LRRC19: variants seen among roughly 807,000 people sequenced by gnomAD.
LRRC19 encodes leucine-rich repeat-containing protein 19.
LRRC19 carries 33 observed loss-of-function variants against 33.3 expected under a neutral mutation model. The ratio of observed to expected loss-of-function variants is 0.99; its 90% CI spans 0.75 to 1.33. The LOEUF (loss-of-function observed/expected upper bound fraction) is 1.33, where lower values mean the gene tolerates loss of function less well. LRRC19 is among the 40% of genes most tolerant of loss of function. The pLI, the probability that LRRC19 is intolerant of heterozygous loss-of-function variation, is 0.00. For synonymous variants in LRRC19, 184 were observed against 152.3 expected (o/e 1.21, Z -1.53); for missense variants, 463 against 417.3 (o/e 1.11, Z -0.95).
Position 26,993,863 on chromosome 9 carries a change from A to G in LRRC19, c.*1658T>C, listed in dbSNP as rs1406231842. On this transcript the variant is annotated 3_prime_UTR_variant, in exon 5 of 5. Coordinates refer to ENST00000380055, the MANE Select transcript of LRRC19 (RefSeq NM_022901.3). ...AAATACCAGAAATATTATTTCACCC[A>G]TCAATATATTTCATTATTTCAGAGA... 1.3e-5 allele frequency: 2 copies of G among 152,192 alleles called. No individual in the cohort carries two copies. The highest frequency in any genetic ancestry group is 2.9e-5 in the Non-Finnish European group (2 of 68,034). 9.4% of individuals were successfully genotyped at this position (152,192 alleles called of 1,614,324 possible).
chr9:26,996,284 T>C (rs1828150807), intron 4 of LRRC19, 27 bp downstream of exon 4: 2 of 1,302,136 alleles, frequency 1.5e-6, no homozygotes, highest in African/African-American at 3.0e-5. Flanking sequence ...CATTCAGCAG[T>C]GTTAATATAT....
intron 4 of LRRC19, 112 bp from the exon 5 acceptor site, chr9:26,995,961 A>G (rs1828134086): frequency 3.8e-6 from 3 of 786,844 alleles, no homozygotes; most frequent in East Asian, 2.8e-5. Context: ...ATAAACATAC[A>G]TTGTAGTTTT....
chr9:26,995,942 G>A (rs1828133002), intron 4 of LRRC19, 93 bp from the exon 5 acceptor site: 2 of 864,764 alleles, frequency 2.3e-6, no homozygotes, highest in Admixed American at 3.1e-5. Flanking sequence ...CTCAATATTG[G>A]TATTAAAAAT....
intron 3 of LRRC19, among the ~76,000 whole-genome samples, chr9:26,997,374 C>G (rs2131572764): frequency 7.2e-6 from 1 of 138,148 alleles, no homozygotes; most frequent in Non-Finnish European, 1.5e-5. Flanking sequence ...CACTCTGTTG[C>G]CCAGGCTGGA....
At chr9:26,999,814 G>C in intron 1 of LRRC19, 111 bp from the exon 2 acceptor site, 2 of 585,450 alleles carry the variant, frequency 3.4e-6, no homozygotes, top group Non-Finnish European at 5.2e-6. Context: ...GTCTCACTCT[G>C]TCACACAGAC....
Position 26,997,984 on chromosome 9 carries a change from T to C in LRRC19, c.339A>G (p.Gln113=). Residue 113 remains glutamine, a synonymous_variant, in exon 3 of 5, where the codon CAA becomes CAG. Coordinates refer to ENST00000380055, the MANE Select transcript of LRRC19 (RefSeq NM_022901.3). ...NICRNSIYVI[Q]QGAFLGLNKL... ...TATTTAAGCCTAAAAATGCACCCTG[T>C]TGAATTACATAGATGGAGTTTCTAC... The C allele has an allele frequency of 6.2e-7, 1 of 1,613,976 alleles. No individual in the cohort carries two copies. The highest frequency in any genetic ancestry group is 1.3e-5 in the African/African-American group (1 of 75,030).
In LRRC19 at chr9:26,996,436, A is replaced by G. The variant is rs1328436984; in HGVS notation, c.659T>C (p.Val220Ala). The part of the protein sequence containing the change: ...NSLQSYNIKT[V>A]PHKAECHSKF... ...TGAGTGGCATTCAGCCTTATGAGGTACTGTTTTGATATTGTAGCTCTGCAG... is the reference window on the plus strand; with the variant it reads ...TGAGTGGCATTCAGCCTTATGAGGTGCTGTTTTGATATTGTAGCTCTGCAG... Residue 220 changes from valine to alanine, a missense_variant, in exon 4 of 5, where the codon GTA becomes GCA. Transcript: ENST00000380055. 6.3e-7 allele frequency: 1 copy of G among 1,598,306 alleles called. No homozygotes were observed. Among genetic ancestry groups the G allele is most frequent in the East Asian group, 2.2e-5 (1 of 44,512 alleles).
chr9:27,003,569 G>A (rs1828618103), intron 1 of LRRC19, among the ~76,000 whole-genome samples: 2 of 152,128 alleles, frequency 1.3e-5, no homozygotes, highest in East Asian at 3.9e-4. Flanking sequence ...AATCCATGCA[G>A]CATACTAAAG....
At chr9:26,996,873 C>CT (rs763947702) in intron 3 of LRRC19, among the ~76,000 whole-genome samples, 27 of 152,112 alleles carry the variant, frequency 1.8e-4, no homozygotes, top group Non-Finnish European at 3.4e-4. Context: ...ATTGACTTTG[C>CT]TAACAATACA....
Position 26,995,323 on chromosome 9 carries a change from C to G in LRRC19, c.*198G>C. 2.1e-6 allele frequency: 1 copy of G among 487,008 alleles called. No homozygotes were observed. Among genetic ancestry groups the G allele is most frequent in the Non-Finnish European group, 3.7e-6 (1 of 269,536 alleles). The allele number at this position is 487,008 out of a possible 1,614,324, so 30.2% of individuals were successfully genotyped here. On this transcript the variant is annotated 3_prime_UTR_variant, in exon 5 of 5. Transcript: ENST00000380055. Reference sequence around the variant, plus strand: ...GTATTGTAGACTATGTAACTGTCAACTACCGAGGAGTGTCAGTTACTGTAT... The same window carrying G: ...GTATTGTAGACTATGTAACTGTCAAGTACCGAGGAGTGTCAGTTACTGTAT...
rs1192428852 is a variant in LRRC19, at chr9:26,996,475, C to G, written c.620G>C (p.Ser207Thr). 1 of 1,506,018 alleles carries G rather than the reference C, an allele frequency of 6.6e-7. No homozygotes were observed. Among genetic ancestry groups the G allele is most frequent in the Non-Finnish European group, 9.0e-7 (1 of 1,116,864 alleles). The allele number at this position is 1,506,018 out of a possible 1,614,324, so 93.3% of individuals were successfully genotyped here. A position where few individuals can be genotyped will look rare whatever the true frequency, so the allele number is the denominator to read the frequency against. ...GTAGCTCTGCAGGCTGTTGGGGTAG[C>G]TACACATGGTGATGTTCTCATTTTC... ...TLENENITMC[S>T]YPNSLQSYNI... Residue 207 changes from serine (S) to threonine (T), a missense_variant, in exon 4 of 5, where the codon AGC (serine) becomes ACC (threonine). Physicochemically the swap from Ser to Thr is moderately conservative, Grantham distance 58. Coordinates refer to ENST00000380055, the MANE Select transcript of LRRC19 (RefSeq NM_022901.3).
At chr9:27,005,173 G>C (rs1828702216) in intron 1 of LRRC19, among the ~76,000 whole-genome samples, 1 of 151,776 alleles carries the variant, frequency 6.6e-6, no homozygotes, top group Non-Finnish European at 1.5e-5. Context: ...AAAATTTCAA[G>C]GAAAAAACCT....
At chr9:27,003,849 G>A (rs1828634609) in intron 1 of LRRC19, among the ~76,000 whole-genome samples, 3 of 152,240 alleles carry the variant, frequency 2.0e-5, no homozygotes, top group Admixed American at 1.3e-4. Context: ...CATAGAAGAG[G>A]GATGCCTAAA....
chr9:26,997,828 T>C lies in LRRC19; in HGVS notation c.495A>G (p.Leu165=), dbSNP rs558703834. The change falls in exon 3 of 5, where the codon CTA becomes CTG. Residue 165 remains leucine (L), a synonymous_variant. Transcript: ENST00000380055. ...NLISYLDVPP[L]FHLELITLYG... ...ATAAAGTTATTAATTCCAGATGAAA[T>C]AGTGGTGGTACATCCAAATAGCTAA... is the stretch of plus-strand genomic sequence containing the variant. 1.2e-6 allele frequency: 2 copies of C among 1,614,162 alleles called. No individual in the cohort carries two copies. The highest frequency in any genetic ancestry group is 1.6e-4 in the Middle Eastern group (1 of 6,062).
At chr9:27,004,679 C>T (rs1361839048) in intron 1 of LRRC19, among the ~76,000 whole-genome samples, 1 of 152,090 alleles carries the variant, frequency 6.6e-6, no homozygotes, top group African/African-American at 2.4e-5. Context: ...TTTCTTTCTC[C>T]TTTTGGAATA....
At chr9:26,999,539 C>A in intron 2 of LRRC19, 75 bp downstream of exon 2, 2 of 1,088,282 alleles carry the variant, frequency 1.8e-6, no homozygotes, top group South Asian at 1.6e-5. Context: ...TTCTTATTGC[C>A]CTTTTATATT....
At chr9:27,004,853 GA>G (rs1026622668) in intron 1 of LRRC19, among the ~76,000 whole-genome samples, 15 of 148,884 alleles carry the variant, frequency 1.0e-4, no homozygotes, top group African/African-American at 2.2e-4. Context: ...CTACGTTACT[GA>G]AAAAAAAAGA....
intron 2 of LRRC19, 102 bp from the exon 3 acceptor site, chr9:26,998,343 T>G (rs546964003): frequency 2.0e-4 from 141 of 696,664 alleles, no homozygotes; most frequent in Non-Finnish European, 2.9e-4. Context: ...GACGTTATTT[T>G]GGGAAAAAAA....
intron 2 of LRRC19, 35 bp downstream of exon 2, chr9:26,999,579 A>G (rs1414997163): frequency 8.2e-6 from 12 of 1,462,172 alleles, no homozygotes; most frequent in Non-Finnish European, 1.0e-5. Context: ...TGTACCTTTG[A>G]AAATATTTTT....
Sources: gnomAD v4.1 joint callset for allele counts (sites outside exome capture counted in the v4.1 genomes callset) on GRCh38, gnomAD v4.1.1 for gene constraint, MANE v1.5 for transcripts, NCBI Gene and HGNC (gene_info 2026-07-23, HGNC 2026-07-21) for gene names.